RASAL2: variants seen among roughly 807,000 people sequenced by gnomAD.
The protein encoded by RASAL2 is RAS protein activator like 2, also known as ras GTPase-activating protein nGAP.
Under a neutral mutation model 128.9 loss-of-function variants are expected in RASAL2, and 58 were observed. The observed-to-expected ratio is 0.45, with a 90% CI of 0.36 to 0.56. The LOEUF (loss-of-function observed/expected upper bound fraction) is 0.56, where lower values mean the gene tolerates loss of function less well. Among genes scored for constraint, RASAL2 ranks in the 20% least tolerant of loss-of-function variants. The pLI, the probability that RASAL2 is intolerant of heterozygous loss-of-function variation, is 0.00. For synonymous variants in RASAL2, 561 were observed against 580.8 expected, an observed-to-expected ratio of 0.97 and a Z score of 0.49; for missense variants, 1,360 against 1,601.6, an observed-to-expected ratio of 0.85 and a Z score of 2.57.
At chr1:178,135,758 A>G (rs891847613) in intron 1 of RASAL2, among the ~76,000 whole-genome samples, 4 of 152,200 alleles carry the variant, frequency 2.6e-5, no homozygotes, top group Non-Finnish European at 5.9e-5. Flanking sequence ...GAAGCCTCAC[A>G]ATAATGGTGG....
Position 178,373,942 on chromosome 1 carries a change from C to A in RASAL2, c.458-16158C>A, listed in dbSNP as rs146317272. 2.7e-3 allele frequency among the ~76,000 whole-genome samples: 413 copies of A among 152,182 alleles called. 1 individual carries two copies. Among genetic ancestry groups the A allele is most frequent in the African/African-American group, 9.2e-3 (381 of 41,526 alleles). Reference sequence around the variant, plus strand: ...TGGGTAGTCAATTCCCGATTATCCACCCAATGGAAGCTTCAGATTATAGAT... The same window carrying A: ...TGGGTAGTCAATTCCCGATTATCCAACCAATGGAAGCTTCAGATTATAGAT... On this transcript the variant is annotated intron_variant, in intron 3 of 17. Coordinates refer to ENST00000367649, the MANE Select transcript of RASAL2 (RefSeq NM_170692.4).
intron 1 of RASAL2, among the ~76,000 whole-genome samples, chr1:178,277,048 T>C (rs1389470705): frequency 6.9e-6 from 1 of 145,638 alleles, no homozygotes; most frequent in African/African-American, 2.6e-5. Context: ...CTCGGGAGGC[T>C]GAGGCAGGAG....
chr1:178,190,415 G>A (rs1288432958), intron 1 of RASAL2, among the ~76,000 whole-genome samples: 1 of 152,098 alleles, frequency 6.6e-6, no homozygotes, highest in Non-Finnish European at 1.5e-5. Flanking sequence ...ATATTTGTTT[G>A]TGGTTTTACA....
At chr1:178,238,319 G>C (rs1664345202) in intron 1 of RASAL2, among the ~76,000 whole-genome samples, 1 of 151,954 alleles carries the variant, frequency 6.6e-6, no homozygotes, top group Non-Finnish European at 1.5e-5. Flanking sequence ...TCATCATTTG[G>C]TGGACATTTG....
chr1:178,194,182 C>A (rs993548110), intron 1 of RASAL2, among the ~76,000 whole-genome samples: 4 of 152,224 alleles, frequency 2.6e-5, no homozygotes, highest in Non-Finnish European at 4.4e-5. Context: ...TGAGCAACAT[C>A]TCATTACTGA....
intron 1 of RASAL2, among the ~76,000 whole-genome samples, chr1:178,116,891 A>G (rs1659538857): frequency 6.6e-6 from 1 of 152,136 alleles, no homozygotes. Context: ...ATTACCCACC[A>G]CACCTGGCCT....
At chr1:178,439,384 C>T in intron 5 of RASAL2, 38 bp from the exon 6 acceptor site, 1 of 1,543,190 alleles carries the variant, frequency 6.5e-7, no homozygotes, top group Non-Finnish European at 8.8e-7. Context: ...CCTTGCTGGC[C>T]AAGTTACACT....
At chr1:178,176,404 AT>A (rs35352442) in intron 1 of RASAL2, among the ~76,000 whole-genome samples, 76 of 147,956 alleles carry the variant, frequency 5.1e-4, no homozygotes, top group Middle Eastern at 3.4e-3. Context: ...TTTTGATGGG[AT>A]TTTTTTTTTT....
intron 1 of RASAL2, among the ~76,000 whole-genome samples, chr1:178,170,720 A>G (rs1661678832): frequency 6.6e-6 from 1 of 151,496 alleles, no homozygotes; most frequent in African/African-American, 2.4e-5. Context: ...TTATCTATCT[A>G]TAACTCTTTT....
At chr1:178,356,195 A>T (rs989393869) in intron 3 of RASAL2, among the ~76,000 whole-genome samples, 2 of 150,360 alleles carry the variant, frequency 1.3e-5, no homozygotes, top group African/African-American at 2.5e-5. Context: ...AAAAACCCAC[A>T]AGATACCCCC....
intron 1 of RASAL2, among the ~76,000 whole-genome samples, chr1:178,157,664 C>A (rs966938421): frequency 6.6e-6 from 1 of 152,122 alleles, no homozygotes; most frequent in African/African-American, 2.4e-5. Flanking sequence ...TATCCTTTAA[C>A]TCCCTGAGTA....
At chr1:178,169,651 A>C (rs1571577835) in intron 1 of RASAL2, among the ~76,000 whole-genome samples, 1 of 151,914 alleles carries the variant, frequency 6.6e-6, no homozygotes, top group Admixed American at 6.6e-5. Flanking sequence ...TCAAGTTTGT[A>C]CCTTTCCCAG....
intron 1 of RASAL2, among the ~76,000 whole-genome samples, chr1:178,245,211 T>C (rs1026458849): frequency 9.2e-5 from 14 of 152,248 alleles, no homozygotes; most frequent in Non-Finnish European, 4.4e-5. Flanking sequence ...AAAGCGTTCC[T>C]ATTTCTCCGC....
At chr1:178,273,193 A>G (rs1666339883) in intron 1 of RASAL2, among the ~76,000 whole-genome samples, 3 of 152,228 alleles carry the variant, frequency 2.0e-5, no homozygotes, top group Admixed American at 2.0e-4. Flanking sequence ...GGCTGCAAAA[A>G]GTAGGTTTGC....
intron 1 of RASAL2, among the ~76,000 whole-genome samples, chr1:178,230,045 A>G (rs1273123267): frequency 1.3e-5 from 2 of 152,128 alleles, no homozygotes; most frequent in South Asian, 2.1e-4. Context: ...CTTTGTATAA[A>G]TAGAATCATA....
chr1:178,333,978 A>G (rs1316535012), intron 3 of RASAL2, among the ~76,000 whole-genome samples: 2 of 152,222 alleles, frequency 1.3e-5, no homozygotes, highest in African/African-American at 2.4e-5. Flanking sequence ...ACAGTAAATC[A>G]GTCTTTGAAT....
chr1:178,466,045 C>A lies in RASAL2; in HGVS notation c.3513C>A (p.Ala1171=). 1 of 1,581,782 alleles carries A rather than the reference C, an allele frequency of 6.3e-7. No homozygotes were observed. Among genetic ancestry groups the A allele is most frequent in the Non-Finnish European group, 8.6e-7 (1 of 1,162,432 alleles). Residue 1171 remains alanine (A), a synonymous_variant, in exon 16 of 18, where the codon GCC becomes GCA. Transcript: ENST00000367649. ...AGAAGCTGCTGCTGGAATACAAGGCCCGACTGGAGGACAGCGAGGAGCGGC... is the reference window on the plus strand; with the variant it reads ...AGAAGCTGCTGCTGGAATACAAGGCACGACTGGAGGACAGCGAGGAGCGGC... The part of the protein sequence containing the change: ...QMQKLLLEYK[A]RLEDSEERLR...
At chr1:178,362,710 G>T in intron 3 of RASAL2, among the ~76,000 whole-genome samples, 1 of 150,550 alleles carries the variant, frequency 6.6e-6, no homozygotes, top group African/African-American at 2.4e-5. Context: ...GCATTTTTTG[G>T]TTTTTCATTA....
Position 178,459,852 on chromosome 1 carries a change from C to T in RASAL2, c.3252+1308C>T, listed in dbSNP as rs540027464. On this transcript the variant is annotated intron_variant, in intron 14 of 17. Transcript: ENST00000367649. ...TATATTTCCCAAAATTTTACCAAAT[C>T]ATTTGATTTAGTAAGCATTTTTATT... 2.6e-5 allele frequency among the ~76,000 whole-genome samples: 4 copies of T among 152,146 alleles called. No individual in the cohort carries two copies. The East Asian group carries it at 5.8e-4, about 22-fold the overall frequency.
Sources: gnomAD v4.1 joint callset for allele counts (sites outside exome capture counted in the v4.1 genomes callset) on GRCh38, gnomAD v4.1.1 for gene constraint, MANE v1.5 for transcripts, NCBI Gene and HGNC (gene_info 2026-07-23, HGNC 2026-07-21) for gene names.